Variants in MBOAT1 observed in about 807,000 individuals in gnomAD.
MBOAT1 encodes membrane bound glycerophospholipid O-acyltransferase 1.
Under a neutral mutation model 64.4 loss-of-function variants are expected in MBOAT1, and 67 were observed. The observed-to-expected ratio is 1.04, with a 90% CI of 0.85 to 1.27. The LOEUF (loss-of-function observed/expected upper bound fraction) is 1.27. MBOAT1 is among the 50% of genes most tolerant of loss of function. The pLI is 0.00. For missense variants in MBOAT1, 563 were observed against 604.6 expected (o/e 0.93, Z 0.72); for synonymous variants, 229 against 218.9 (o/e 1.05, Z -0.41).
chr6:20,103,899 T>G (rs1378149542), intron 12 of MBOAT1, among the ~76,000 whole-genome samples: 1 of 152,208 alleles, frequency 6.6e-6, no homozygotes, highest in Non-Finnish European at 1.5e-5. Flanking sequence ...AAGTCTACAG[T>G]AGTGCACAGT....
In MBOAT1 at chr6:20,151,187, G is replaced by A. The variant is rs746099137; in HGVS notation, c.321C>T (p.His107=). 3.2e-5 allele frequency: 52 copies of A among 1,606,516 alleles called. No individual in the cohort carries two copies. The highest frequency in any genetic ancestry group is 4.3e-5 in the Non-Finnish European group (51 of 1,174,250). Residue 107 remains histidine (H), a splice_region_variant and synonymous_variant, in exon 3 of 13, where the codon CAC becomes CAT. Transcript: ENST00000324607. ...IMVTASVSNI[H]RYSFFVAMGY... ...ATTGTTCATTCCCAGTATCTTACCTGTGAATATTGGATACACTAGCAGTGA... is the reference window on the plus strand; with the variant it reads ...ATTGTTCATTCCCAGTATCTTACCTATGAATATTGGATACACTAGCAGTGA...
chr6:20,204,614 C>G (rs1763209969), intron 1 of MBOAT1, among the ~76,000 whole-genome samples: 1 of 152,094 alleles, frequency 6.6e-6, no homozygotes, highest in South Asian at 2.1e-4. Flanking sequence ...ATTTTAGGGC[C>G]CAGCCTGAAA....
chr6:20,131,578 G>A (rs1760830125), intron 4 of MBOAT1, among the ~76,000 whole-genome samples: 1 of 152,114 alleles, frequency 6.6e-6, no homozygotes, highest in African/African-American at 2.4e-5. Flanking sequence ...AAATTACCGA[G>A]TCTTGGGTAT....
At chr6:20,110,677 T>C (rs991720289) in intron 11 of MBOAT1, among the ~76,000 whole-genome samples, 6 of 152,214 alleles carry the variant, frequency 3.9e-5, no homozygotes, top group Admixed American at 2.0e-4. Context: ...AAGCTTTTTC[T>C]ATTCATATGT....
At chr6:20,182,550 C>A (rs1051273064) in intron 1 of MBOAT1, among the ~76,000 whole-genome samples, 1 of 152,110 alleles carries the variant, frequency 6.6e-6, no homozygotes, top group African/African-American at 2.4e-5. Flanking sequence ...CTCAGTCTGC[C>A]CAAGGGAAGG....
At chr6:20,162,301 C>G (rs1343359847) in intron 1 of MBOAT1, among the ~76,000 whole-genome samples, 1 of 152,148 alleles carries the variant, frequency 6.6e-6, no homozygotes, top group Non-Finnish European at 1.5e-5. Context: ...TTTGCACCTA[C>G]AGCTAGGAAG....
At chr6:20,192,708 A>G (rs1322269327) in intron 1 of MBOAT1, among the ~76,000 whole-genome samples, 3 of 152,134 alleles carry the variant, frequency 2.0e-5, no homozygotes, top group Non-Finnish European at 4.4e-5. Context: ...CGCTTCCCCA[A>G]CCTCATCTGA....
intron 12 of MBOAT1, among the ~76,000 whole-genome samples, chr6:20,109,383 G>A (rs1375412635): frequency 6.6e-6 from 1 of 152,174 alleles, no homozygotes; most frequent in Non-Finnish European, 1.5e-5. Context: ...AATGGCTTAA[G>A]GGATTCCTGT....
chr6:20,185,526 C>G (rs1762625673), intron 1 of MBOAT1, among the ~76,000 whole-genome samples: 1 of 152,220 alleles, frequency 6.6e-6, no homozygotes, highest in Non-Finnish European at 1.5e-5. Context: ...TGCCTTTGAA[C>G]TTGAACTTCA....
intron 1 of MBOAT1, among the ~76,000 whole-genome samples, chr6:20,194,650 GT>G (rs1762903590): frequency 6.6e-6 from 1 of 152,146 alleles, no homozygotes; most frequent in South Asian, 2.1e-4. Context: ...CTCAGCTGAG[GT>G]AGTGTCTAAC....
At chr6:20,109,547 GT>G in intron 12 of MBOAT1, 50 bp downstream of exon 12, 1 of 1,584,320 alleles carries the variant, frequency 6.3e-7, no homozygotes, top group South Asian at 1.1e-5. Flanking sequence ...GTCAAACACA[GT>G]GAAAATAGAG....
chr6:20,211,317 A>G (rs998596021), intron 1 of MBOAT1, among the ~76,000 whole-genome samples: 7 of 152,198 alleles, frequency 4.6e-5, no homozygotes, highest in Non-Finnish European at 8.8e-5. Context: ...CTCCCCCAGC[A>G]TGCCCTGCCC....
intron 1 of MBOAT1, among the ~76,000 whole-genome samples, chr6:20,202,931 T>C (rs1423382793): frequency 6.6e-6 from 1 of 152,210 alleles, no homozygotes; most frequent in African/African-American, 2.4e-5. Flanking sequence ...CTGAATTCTT[T>C]ATACAAGTCA....
intron 1 of MBOAT1, among the ~76,000 whole-genome samples, chr6:20,165,167 T>A (rs1253429153): frequency 1.3e-5 from 2 of 152,172 alleles, no homozygotes; most frequent in Non-Finnish European, 2.9e-5. Context: ...AAGCTAGGAC[T>A]ATTAGCAATT....
chr6:20,212,433 T>C lies in MBOAT1; in HGVS notation c.-199A>G. ...AACTCTCGAGGCGCAAACTTGGCTT[T>C]GGCGCTGGCGCTGCAGCCACGGGCG... On this transcript the variant is annotated 5_prime_UTR_variant, in exon 1 of 13. Transcript: ENST00000324607. 1 of 574,832 alleles carries C rather than the reference T, an allele frequency of 1.7e-6. No individual in the cohort carries two copies. The highest frequency in any genetic ancestry group is 3.0e-6 in the Non-Finnish European group (1 of 327,998). 35.6% of individuals were successfully genotyped at this position (574,832 alleles called of 1,614,324 possible).
At chr6:20,153,614 T>TA (rs1305819001) in intron 1 of MBOAT1, among the ~76,000 whole-genome samples, 4 of 152,230 alleles carry the variant, frequency 2.6e-5, no homozygotes, top group Non-Finnish European at 5.9e-5. Context: ...TGTCTCATTT[T>TA]AAACTGGCAT....
intron 1 of MBOAT1, among the ~76,000 whole-genome samples, chr6:20,194,486 T>C (rs1422701997): frequency 1.3e-5 from 2 of 152,318 alleles, no homozygotes; most frequent in Non-Finnish European, 2.9e-5. Flanking sequence ...AAACCCTCGA[T>C]CGAGATTTCT....
At chr6:20,194,670 C>T (rs1459778921) in intron 1 of MBOAT1, among the ~76,000 whole-genome samples, 1 of 152,164 alleles carries the variant, frequency 6.6e-6, no homozygotes, top group Non-Finnish European at 1.5e-5. Flanking sequence ...ACAGGTTTCT[C>T]CACTGGAAAG....
chr6:20,205,591 T>C (rs144119525), intron 1 of MBOAT1, among the ~76,000 whole-genome samples: 2 of 152,246 alleles, frequency 1.3e-5, no homozygotes, highest in East Asian at 3.9e-4. Flanking sequence ...TCTGGACTTA[T>C]CCAGAATCCC....
Sources: gnomAD v4.1 joint callset for allele counts (sites outside exome capture counted in the v4.1 genomes callset) on GRCh38, gnomAD v4.1.1 for gene constraint, MANE v1.5 for transcripts, NCBI Gene and HGNC (gene_info 2026-07-23, HGNC 2026-07-21) for gene names.